Variants in ZNF804B observed in about 807,000 individuals in gnomAD.
The protein encoded by ZNF804B is zinc finger protein 804B.
ZNF804B carries 80 observed loss-of-function variants against 101.4 expected under a neutral mutation model. The ratio of observed to expected loss-of-function variants is 0.79; its 90% CI spans 0.66 to 0.95. ZNF804B has a LOEUF of 0.95. Ranked by LOEUF, ZNF804B falls within the 40% of genes least tolerant of loss-of-function variation. The probability of loss-of-function intolerance (pLI) is 0.00; values close to 1 mark genes in which losing one functional copy is unlikely to be tolerated. For missense variants in ZNF804B, 1,673 were observed against 1,561.9 expected (o/e 1.07, Z -1.20); for synonymous variants, 622 against 558.8 (o/e 1.11, Z -1.59).
At chr7:89,312,259 C>T (rs1790658468) in intron 2 of ZNF804B, among the ~76,000 whole-genome samples, 1 of 152,158 alleles carries the variant, frequency 6.6e-6, no homozygotes, top group Non-Finnish European at 1.5e-5. Flanking sequence ...TGTCTGTAGG[C>T]CTGGCTGTAT....
At position 89,076,130 on chromosome 7, in the gene ZNF804B, A is replaced by G. The variant is rs369087643; in HGVS notation, c.109-142025A>G. On this transcript the variant is annotated intron_variant, in intron 1 of 3. Coordinates refer to ENST00000333190, the MANE Select transcript of ZNF804B (RefSeq NM_181646.5). ...GGACTTTTGAGTTAATGCTGAAATG[A>G]GTTAAGACTTTGAGAAACCGTTGGG... Among the ~76,000 whole-genome samples, 4 of 152,298 alleles carry G rather than the reference A, an allele frequency of 2.6e-5. No homozygotes were observed. In the East Asian group the frequency reaches 5.8e-4, roughly 22 times the overall value.
chr7:88,806,640 T>G (rs1265108353), intron 1 of ZNF804B, among the ~76,000 whole-genome samples: 2 of 152,020 alleles, frequency 1.3e-5, no homozygotes, highest in Non-Finnish European at 2.9e-5. Flanking sequence ...TGTGTGTATG[T>G]GTGTGTATGT....
intron 1 of ZNF804B, among the ~76,000 whole-genome samples, chr7:89,085,062 C>T (rs1352406820): frequency 6.6e-6 from 1 of 151,786 alleles, no homozygotes; most frequent in Non-Finnish European, 1.5e-5. Flanking sequence ...GTTTCATTTT[C>T]CTTGAACTTT....
chr7:89,158,646 G>C (rs1467466995), intron 1 of ZNF804B, among the ~76,000 whole-genome samples: 3 of 151,966 alleles, frequency 2.0e-5, no homozygotes, highest in Non-Finnish European at 2.9e-5. Flanking sequence ...ATGAATTATA[G>C]TTTATACTCA....
chr7:88,881,127 T>C (rs1792022913), intron 1 of ZNF804B, among the ~76,000 whole-genome samples: 1 of 152,080 alleles, frequency 6.6e-6, no homozygotes, highest in African/African-American at 2.4e-5. Flanking sequence ...TATTTAAAAT[T>C]ATGATAGAAG....
intron 1 of ZNF804B, among the ~76,000 whole-genome samples, chr7:89,082,618 G>A (rs910076926): frequency 1.3e-5 from 2 of 151,636 alleles, no homozygotes; most frequent in African/African-American, 2.4e-5. Context: ...TCTATCACTA[G>A]GTTGCAGATG....
intron 1 of ZNF804B, among the ~76,000 whole-genome samples, chr7:88,990,011 C>G (rs1793821737): frequency 6.6e-6 from 1 of 151,762 alleles, no homozygotes; most frequent in Non-Finnish European, 1.5e-5. Flanking sequence ...TTGGAAAATT[C>G]AGAAAAACAA....
chr7:88,822,436 G>A (rs984677858), intron 1 of ZNF804B, among the ~76,000 whole-genome samples: 6 of 152,164 alleles, frequency 3.9e-5, no homozygotes, highest in African/African-American at 1.4e-4. Flanking sequence ...CCACAGGCCA[G>A]TTGGTGCTGA....
chr7:88,997,999 C>T (rs374924086), intron 1 of ZNF804B, among the ~76,000 whole-genome samples: 41 of 152,170 alleles, frequency 2.7e-4, no homozygotes, highest in South Asian at 8.3e-4. Flanking sequence ...TAGCCTACCA[C>T]GCCTGGAAAG....
chr7:88,839,316 A>G (rs1310700363), intron 1 of ZNF804B, among the ~76,000 whole-genome samples: 1 of 151,948 alleles, frequency 6.6e-6, no homozygotes, highest in Non-Finnish European at 1.5e-5. Flanking sequence ...TGCTTTATAT[A>G]CCTTTTTATA....
intron 1 of ZNF804B, among the ~76,000 whole-genome samples, chr7:88,929,757 T>C (rs577022634): frequency 6.6e-6 from 1 of 152,128 alleles, no homozygotes; most frequent in South Asian, 2.1e-4. Flanking sequence ...TGCAATACTA[T>C]CATTAGTGTA....
At chr7:89,208,940 A>G (rs1400658477) in intron 1 of ZNF804B, among the ~76,000 whole-genome samples, 1 of 152,084 alleles carries the variant, frequency 6.6e-6, no homozygotes, top group African/African-American at 2.4e-5. Context: ...TGAACCTGGG[A>G]GGCGGAGCTT....
chr7:88,877,055 T>A (rs1218650754), intron 1 of ZNF804B, among the ~76,000 whole-genome samples: 48 of 57,352 alleles, frequency 8.4e-4, no homozygotes, highest in African/African-American at 2.8e-3. Flanking sequence ...ATATATTTTT[T>A]TTTTTTTTTT....
chr7:88,897,289 G>T (rs1792305395), intron 1 of ZNF804B, among the ~76,000 whole-genome samples: 1 of 152,172 alleles, frequency 6.6e-6, no homozygotes, highest in Non-Finnish European at 1.5e-5. Flanking sequence ...AATGGGAAAA[G>T]ATGTCACAGA....
At chr7:89,011,791 T>C (rs1170741197) in intron 1 of ZNF804B, among the ~76,000 whole-genome samples, 1 of 152,134 alleles carries the variant, frequency 6.6e-6, no homozygotes, top group Non-Finnish European at 1.5e-5. Flanking sequence ...ATGGGCTGGC[T>C]TTGACTGTCT....
chr7:89,230,967 C>T (rs946315483), intron 2 of ZNF804B, among the ~76,000 whole-genome samples: 1 of 152,014 alleles, frequency 6.6e-6, no homozygotes. Context: ...AGAATTTTTA[C>T]AGTTCTTCAT....
intron 1 of ZNF804B, among the ~76,000 whole-genome samples, chr7:88,928,160 G>C (rs898745155): frequency 6.6e-6 from 1 of 152,034 alleles, no homozygotes; most frequent in African/African-American, 2.4e-5. Context: ...CGGTCCTTTA[G>C]ATTTACAGAA....
At position 88,936,101 on chromosome 7, in the gene ZNF804B, C is replaced by CT. The variant is rs111880138; in HGVS notation, c.108+176028dup. Among the ~76,000 whole-genome samples, 142 of 143,678 alleles carry CT rather than the reference C, an allele frequency of 9.9e-4. 1 individual carries two copies. Among genetic ancestry groups the CT allele is most frequent in the East Asian group, 4.9e-3 (24 of 4,852 alleles). The allele number at this position is 143,678 out of a possible 152,430, so 94.3% of individuals were successfully genotyped here. A position where few individuals can be genotyped will look rare whatever the true frequency, so the allele number is the denominator to read the frequency against. ...CTCCTTCCTTCCTTCATCTTTCTTC[C>CT]TTTTTTTTTTTAAAAAAAATAACAT... On this transcript the variant is annotated intron_variant, in intron 1 of 3. Coordinates refer to ENST00000333190, the MANE Select transcript of ZNF804B (RefSeq NM_181646.5).
intron 1 of ZNF804B, among the ~76,000 whole-genome samples, chr7:89,072,696 A>G (rs1369333473): frequency 6.6e-6 from 1 of 152,206 alleles, no homozygotes; most frequent in Non-Finnish European, 1.5e-5. Flanking sequence ...CTATGTAAAT[A>G]TAACCAGGAA....
Sources: gnomAD v4.1 joint callset for allele counts (sites outside exome capture counted in the v4.1 genomes callset) on GRCh38, gnomAD v4.1.1 for gene constraint, MANE v1.5 for transcripts, NCBI Gene and HGNC (gene_info 2026-07-23, HGNC 2026-07-21) for gene names.